OCA2: variants seen among roughly 807,000 people sequenced by gnomAD.
OCA2 encodes P protein.
A neutral mutation model predicts 100.2 loss-of-function variants in OCA2; 77 were observed. That is an observed-to-expected ratio of 0.77 (90% CI 0.64 to 0.93). The LOEUF is 0.93. Ranked by LOEUF, OCA2 falls within the 40% of genes least tolerant of loss-of-function variation. OCA2 has a pLI of 0.00. For missense variants in OCA2, 1,062 were observed against 1,089.1 expected (o/e 0.98, Z 0.35); for synonymous variants, 432 against 439.2 (o/e 0.98, Z 0.21).
the OCA2 span, among the ~76,000 whole-genome samples, chr15:27,739,738 G>T: frequency 6.6e-6 from 1 of 152,004 alleles, no homozygotes; most frequent in Non-Finnish European, 1.5e-5. Flanking sequence ...GAGCCACAGC[G>T]CCTGGCCAAT....
At chr15:28,073,861 A>G (rs918987558) in intron 2 of OCA2, among the ~76,000 whole-genome samples, 7 of 152,198 alleles carry the variant, frequency 4.6e-5, no homozygotes, top group African/African-American at 9.6e-5. Flanking sequence ...TCCAGGGGTT[A>G]AAGATGGCAG....
chr15:27,976,349 A>C (rs1359196958), intron 14 of OCA2, among the ~76,000 whole-genome samples: 1 of 152,204 alleles, frequency 6.6e-6, no homozygotes, highest in Non-Finnish European at 1.5e-5. Flanking sequence ...TGTTAGAGGG[A>C]AATCATTCAG....
chr15:27,915,954 A>G (rs8025159), intron 19 of OCA2, among the ~76,000 whole-genome samples: 1,943 of 152,304 alleles, frequency 0.013, 39 homozygotes, highest in African/African-American at 0.04. Context: ...CTAAATGCCC[A>G]TCAACAGTGG....
Position 27,966,781 on chromosome 15 carries a change from C to T in OCA2, c.1545G>A (p.Gly515=), listed in dbSNP as rs775875351. 28 of 1,613,216 alleles carry T rather than the reference C, an allele frequency of 1.7e-5. No homozygotes were observed. The South Asian group carries it at 2.7e-4, about 16-fold the overall frequency. Residue 515 remains glycine (G), a synonymous_variant, in exon 15 of 24, where the codon GGG becomes GGA. Transcript: ENST00000354638. ...FAGFTAHMFI[G]ICLVLLVCFP... is the part of the protein sequence containing the mutation. ...AGCAGACCAGGAGAACAAGGCAAAT[C>T]CCAATGAACATGTGTGCAGTGAATC... is the stretch of plus-strand genomic sequence containing the variant.
intron 18 of OCA2, among the ~76,000 whole-genome samples, chr15:27,943,671 T>TAAAAAAAAAAAAAAAAA (rs66644405): frequency 8.7e-6 from 1 of 114,884 alleles, no homozygotes; most frequent in Non-Finnish European, 1.9e-5. Context: ...AAGTATAATT[T>TAAAAAAAAAAAAAAAAA]AAAAAAAAAA....
At chr15:27,804,365 A>G (rs4778182) in intron 23 of OCA2, among the ~76,000 whole-genome samples, 105,289 of 152,112 alleles carry the variant, frequency 0.69, 37,283 homozygotes, top group East Asian at 1. Flanking sequence ...CAAGGAAGGC[A>G]CAATTAACCA....
intron 9 of OCA2, among the ~76,000 whole-genome samples, chr15:28,004,870 C>T (rs567788973): frequency 6.6e-6 from 1 of 152,212 alleles, no homozygotes; most frequent in South Asian, 2.1e-4. Flanking sequence ...CACATGCACC[C>T]CAACGTCCTT....
chr15:28,093,098 G>T (rs2141966067), intron 1 of OCA2, among the ~76,000 whole-genome samples: 1 of 152,270 alleles, frequency 6.6e-6, no homozygotes, highest in South Asian at 2.1e-4. Context: ...TTAGGGAAAT[G>T]CAAATTAAAA....
rs148468031 is a variant in OCA2 at position 28,014,805 on chromosome 15, C to A, written c.1015G>T (p.Ala339Ser). ...AATATGATCAGCGCGTAGACGCCCG[C>A]GAGGATGGCCGTCGCGATGGTCACC... Reference protein sequence around the residue: ...TQVTIATAILAGVYALIIFEI... With the variant: ...TQVTIATAILSGVYALIIFEI... Residue 339 changes from alanine to serine, a missense_variant, in exon 9 of 24, where the codon GCG (alanine) becomes TCG (serine). Transcript: ENST00000354638. 93 of 1,613,948 alleles carry A rather than the reference C, an allele frequency of 5.8e-5. No homozygotes were observed. The African/African-American group carries it at 1.1e-3, about 20-fold the overall frequency.
chr15:27,893,988 C>T lies in OCA2; in HGVS notation c.2080-22066G>A, dbSNP rs749829177. Among the ~76,000 whole-genome samples the T allele has an allele frequency of 2.3e-4, 35 of 152,236 alleles. 1 individual carries two copies. In the Middle Eastern group the frequency reaches 0.014, roughly 59 times the overall value. The stretch of plus-strand genomic sequence containing the variant: ...TCTTTGTACTTACTCTCTGTTCTTA[C>T]ACCCCCTCCCCTTTTGAAACCCTTA... On this transcript the variant is annotated intron_variant, in intron 19 of 23. Coordinates refer to ENST00000354638, the MANE Select transcript of OCA2 (RefSeq NM_000275.3).
In OCA2 at chr15:27,827,748, C is replaced by CATA. The variant is rs2034789147; in HGVS notation, c.2432+17210_2432+17211insTAT. ...AAAGATTGTGAGAGCTGAATATAGACGTATTTAAAATAAGCATAATCATAC... is the reference window on the plus strand; with the variant it reads ...AAAGATTGTGAGAGCTGAATATAGACATAGTATTTAAAATAAGCATAATCATAC... On this transcript the variant is annotated intron_variant, in intron 23 of 23. Coordinates refer to ENST00000354638, the MANE Select transcript of OCA2 (RefSeq NM_000275.3). Among the ~76,000 whole-genome samples the CATA allele has an allele frequency of 2.6e-5, 4 of 152,176 alleles. No individual in the cohort carries two copies. In the East Asian group the frequency reaches 7.7e-4, roughly 29 times the overall value.
At chr15:27,896,300 T>G (rs549340777) in intron 19 of OCA2, 1 of 1,047,360 alleles carries the variant, frequency 9.5e-7, no homozygotes, top group African/African-American at 1.5e-5. Flanking sequence ...TGGGCCAGAA[T>G]GTTGCAGATT....
intron 23 of OCA2, among the ~76,000 whole-genome samples, chr15:27,828,190 C>T (rs1350343992): frequency 2.6e-4 from 40 of 152,324 alleles, no homozygotes; most frequent in Non-Finnish European, 5.9e-5. Flanking sequence ...GCTCCCACTC[C>T]ATTCCCGGCC....
chr15:27,794,396 T>C (rs1331463269), intron 23 of OCA2, among the ~76,000 whole-genome samples: 1 of 152,192 alleles, frequency 6.6e-6, no homozygotes, highest in Non-Finnish European at 1.5e-5. Flanking sequence ...ACTGGAAATT[T>C]TGAGGCAGAT....
At chr15:27,943,678 A>AAAAC (rs1267389730) in intron 18 of OCA2, among the ~76,000 whole-genome samples, 4 of 150,004 alleles carry the variant, frequency 2.7e-5, no homozygotes, top group Non-Finnish European at 4.4e-5. Context: ...ATTTAAAAAA[A>AAAAC]AAAAAAAAAA....
At chr15:27,774,935 C>T (rs778929612) in intron 23 of OCA2, among the ~76,000 whole-genome samples, 9 of 152,202 alleles carry the variant, frequency 5.9e-5, no homozygotes, top group Admixed American at 2.0e-4. Flanking sequence ...TGTCTGTTGT[C>T]TGAGCTACCC....
At chr15:27,914,286 C>T (rs943614015) in intron 19 of OCA2, among the ~76,000 whole-genome samples, 2 of 152,066 alleles carry the variant, frequency 1.3e-5, no homozygotes, top group Non-Finnish European at 2.9e-5. Flanking sequence ...GAACCATTCC[C>T]TTTGAGAACT....
intron 9 of OCA2, among the ~76,000 whole-genome samples, chr15:28,013,850 T>C (rs1015790765): frequency 6.6e-6 from 1 of 151,838 alleles, no homozygotes; most frequent in Admixed American, 6.6e-5. Flanking sequence ...TAAAAGAAAA[T>C]GGATAGAAAA....
intron 23 of OCA2, among the ~76,000 whole-genome samples, chr15:27,769,862 A>AGCG (rs2031575884): frequency 6.6e-6 from 1 of 151,406 alleles, no homozygotes; most frequent in East Asian, 2.0e-4. Flanking sequence ...CCTCCCCAGC[A>AGCG]CCTCGGCCTG....
Sources: allele counts gnomAD v4.1 joint callset (sites outside exome capture counted in the v4.1 genomes callset), GRCh38; gene constraint gnomAD v4.1.1; transcripts MANE v1.5; gene names NCBI Gene and HGNC (gene_info 2026-07-23, HGNC 2026-07-21).